The following MGST3 variants were observed in gnomAD, a reference collection of about 807,000 sequenced individuals.
MGST3 encodes the protein microsomal glutathione S-transferase 3.
MGST3 carries 13 observed loss-of-function variants against 15.8 expected under a neutral mutation model. The ratio of observed to expected loss-of-function variants is 0.82; its 90% CI spans 0.54 to 1.31. The LOEUF (loss-of-function observed/expected upper bound fraction) is 1.31, where lower values mean the gene tolerates loss of function less well. MGST3 is among the 50% of genes most tolerant of loss of function. MGST3 has a pLI of 0.00. For synonymous variants in MGST3, 49 were observed against 68.1 expected (o/e 0.72, Z 1.38); for missense variants, 155 against 192.4 (o/e 0.81, Z 1.15).
chr1:165,649,621 G>A (rs1571154940), intron 1 of MGST3: 7 of 541,534 alleles, frequency 1.3e-5, no homozygotes, highest in African/African-American at 3.8e-5. Context: ...ATACATGACT[G>A]TATACTTTTC....
At chr1:165,654,174 C>T in intron 4 of MGST3, 105 bp from the exon 5 acceptor site, 1 of 1,128,840 alleles carries the variant, frequency 8.9e-7, no homozygotes, top group South Asian at 1.3e-5. Context: ...GCCAAATCAT[C>T]AAATTGTTAA....
At position 165,655,517 on chromosome 1, in the gene MGST3, G is replaced by T. The variant is rs751765754; in HGVS notation, c.*13G>T. On this transcript the variant is annotated 3_prime_UTR_variant, in exon 6 of 6. Coordinates refer to ENST00000367889, the MANE Select transcript of MGST3 (RefSeq NM_004528.4). ...ATGCTGCCATTAAAGAATTATAGGG[G>T]TTTAAAAACTCTCATTCATTTTAAA... The T allele has an allele frequency of 3.1e-6, 5 of 1,613,732 alleles. No individual in the cohort carries two copies. Among genetic ancestry groups the T allele is most frequent in the East Asian group, 4.5e-5 (2 of 44,888 alleles).
chr1:165,654,406 G>A (rs1489707196), intron 5 of MGST3, 55 bp downstream of exon 5: 2 of 1,529,112 alleles, frequency 1.3e-6, no homozygotes, highest in Non-Finnish European at 9.1e-7. Context: ...TAAATCCTAT[G>A]CTGGCCAGGC....
chr1:165,632,235 A>G (rs753118660), intron 1 of MGST3: 1 of 1,612,444 alleles, frequency 6.2e-7, no homozygotes, highest in East Asian at 2.2e-5. Context: ...CCCTGGGGAC[A>G]GGAGATGCCC....
intron 1 of MGST3, among the ~76,000 whole-genome samples, chr1:165,642,010 T>C (rs1291365323): frequency 6.6e-6 from 1 of 152,086 alleles, no homozygotes; most frequent in Non-Finnish European, 1.5e-5. Flanking sequence ...CAATTGCTAA[T>C]AAGGAAAGTA....
chr1:165,645,104 CTATGTTT>C (rs1383414529), intron 1 of MGST3, among the ~76,000 whole-genome samples: 1 of 151,774 alleles, frequency 6.6e-6, no homozygotes, highest in Non-Finnish European at 1.5e-5. Context: ...ATTTTTTTTT[CTATGTTT>C]TAAATACTTT....
At chr1:165,635,972 C>A (rs4147600) in intron 1 of MGST3, 3 of 152,010 alleles carry the variant, frequency 2.0e-5, no homozygotes, top group Non-Finnish European at 2.9e-5. Flanking sequence ...ATGCAATTGT[C>A]GGGGGATAGT....
Position 165,633,164 on chromosome 1 carries a change from A to C in MGST3, c.-8+1871A>C, listed in dbSNP as rs552718645. On this transcript the variant is annotated intron_variant, in intron 1 of 5. Coordinates refer to ENST00000367889, the MANE Select transcript of MGST3 (RefSeq NM_004528.4). ...CATCTTCCTGAACAAAAAATTTAGC[A>C]GTTAGCAGCAAGTAGATTATCGCTA... 5.4e-5 allele frequency among the ~76,000 whole-genome samples: 8 copies of C among 149,462 alleles called. No individual in the cohort carries two copies. The South Asian group carries it at 1.8e-3, about 34-fold the overall frequency.
chr1:165,651,332 T>A, intron 3 of MGST3: 2 of 550,316 alleles, frequency 3.6e-6, no homozygotes, highest in South Asian at 2.0e-5. Context: ...TTGCATTACC[T>A]ACTACAGTTT....
chr1:165,637,308 A>G (rs1648138737), intron 1 of MGST3, among the ~76,000 whole-genome samples: 1 of 152,190 alleles, frequency 6.6e-6, no homozygotes, highest in South Asian at 2.1e-4. Context: ...TTTGGGAGCA[A>G]AGAGAGAGAG....
At chr1:165,635,314 A>G (rs558848751) in intron 1 of MGST3, among the ~76,000 whole-genome samples, 10 of 152,232 alleles carry the variant, frequency 6.6e-5, no homozygotes, top group Non-Finnish European at 2.9e-5. Context: ...CTTGTTATAA[A>G]TCTAGTATTC....
At chr1:165,651,588 C>G (rs950110569) in intron 3 of MGST3, 1 of 297,522 alleles carries the variant, frequency 3.4e-6, no homozygotes, top group Non-Finnish European at 6.4e-6. Context: ...AAGCTTCTAA[C>G]TTGGCAAGGA....
At chr1:165,642,353 C>T (rs1331843654) in intron 1 of MGST3, among the ~76,000 whole-genome samples, 7 of 152,170 alleles carry the variant, frequency 4.6e-5, no homozygotes, top group African/African-American at 9.7e-5. Flanking sequence ...CTGCAGCTTC[C>T]GGATGTCCAT....
intron 2 of MGST3, chr1:165,650,331 G>A: frequency 6.3e-6 from 2 of 316,356 alleles, no homozygotes; most frequent in Non-Finnish European, 1.2e-5. Flanking sequence ...ATGTCTTATG[G>A]TGATTTTCCT....
At chr1:165,632,746 T>C (rs1384755232) in intron 1 of MGST3, among the ~76,000 whole-genome samples, 1 of 152,134 alleles carries the variant, frequency 6.6e-6, no homozygotes, top group Admixed American at 6.5e-5. Flanking sequence ...TTCCGCTTTA[T>C]TTAGATTTCT....
At chr1:165,651,703 A>C (rs532775224) in intron 3 of MGST3, 23 of 392,790 alleles carry the variant, frequency 5.9e-5, no homozygotes, top group Non-Finnish European at 1.1e-4. Flanking sequence ...CAGGAGTTGG[A>C]GACAAGCTTG....
intron 1 of MGST3, chr1:165,645,739 T>C (rs1648381179): frequency 6.6e-6 from 1 of 152,208 alleles, no homozygotes; most frequent in Admixed American, 6.5e-5. Context: ...ATGTTTCAGC[T>C]CCATTACAGT....
intron 5 of MGST3, among the ~76,000 whole-genome samples, chr1:165,655,044 C>G (rs10800122): frequency 0.24 from 37,055 of 152,082 alleles, 6,105 homozygotes; most frequent in East Asian, 0.81. Context: ...TACTATACCT[C>G]CTATATCTGA....
intron 1 of MGST3, among the ~76,000 whole-genome samples, chr1:165,641,076 G>A (rs530098754): frequency 8.5e-5 from 13 of 152,202 alleles, no homozygotes; most frequent in African/African-American, 3.1e-4. Flanking sequence ...CCTGCTACTC[G>A]GGAGGCTGAG....
Sources: allele counts gnomAD v4.1 joint callset (sites outside exome capture counted in the v4.1 genomes callset), GRCh38; gene constraint gnomAD v4.1.1; transcripts MANE v1.5; gene names NCBI Gene and HGNC (gene_info 2026-07-23, HGNC 2026-07-21).